PTPRT: variants seen among roughly 807,000 people sequenced by gnomAD.
The protein encoded by PTPRT is receptor-type tyrosine-protein phosphatase T.
A neutral mutation model predicts 176.8 loss-of-function variants in PTPRT; 56 were observed. The observed-to-expected ratio is 0.32, with a 90% CI of 0.26 to 0.40. The LOEUF is 0.40. Among genes scored for constraint, PTPRT ranks in the 10% least tolerant of loss-of-function variants. PTPRT has a pLI of 1.00. For synonymous variants in PTPRT, 783 were observed against 739.0 expected (o/e 1.06, Z -0.96); for missense variants, 1,540 against 1,908.2 (o/e 0.81, Z 3.60).
intron 1 of PTPRT, among the ~76,000 whole-genome samples, chr20:42,961,923 G>A (rs1324582520): frequency 6.6e-6 from 1 of 152,174 alleles, no homozygotes; most frequent in Admixed American, 6.5e-5. Context: ...AGCAGAGACT[G>A]GAATGACGCA....
intron 26 of PTPRT, among the ~76,000 whole-genome samples, chr20:42,101,412 T>C (rs1324164826): frequency 1.3e-5 from 2 of 152,082 alleles, no homozygotes; most frequent in South Asian, 4.1e-4. Flanking sequence ...CTGTACACCT[T>C]GGAGGGGAAG....
intron 13 of PTPRT, among the ~76,000 whole-genome samples, chr20:42,278,415 A>G (rs2057083848): frequency 6.6e-6 from 1 of 151,724 alleles, no homozygotes; most frequent in African/African-American, 2.4e-5. Context: ...CCAGAGTGTA[A>G]TAAGAGAATA....
intron 1 of PTPRT, among the ~76,000 whole-genome samples, chr20:43,086,112 G>A (rs1415420643): frequency 6.6e-6 from 1 of 152,098 alleles, no homozygotes; most frequent in African/African-American, 2.4e-5. Context: ...TCCCTTCCCT[G>A]CACCCATTTT....
intron 9 of PTPRT, among the ~76,000 whole-genome samples, chr20:42,427,840 C>A (rs2059179944): frequency 6.6e-6 from 1 of 152,136 alleles, no homozygotes; most frequent in South Asian, 2.1e-4. Flanking sequence ...TTTATAATCT[C>A]CCCCACCCTT....
At chr20:42,581,529 A>AAT (rs2073371383) in intron 7 of PTPRT, among the ~76,000 whole-genome samples, 1 of 86,972 alleles carries the variant, frequency 1.1e-5, no homozygotes, top group East Asian at 4.2e-4. Flanking sequence ...TGGTGGCTGC[A>AAT]TAAAAAAAAA....
intron 7 of PTPRT, among the ~76,000 whole-genome samples, chr20:42,551,573 T>C (rs1452972950): frequency 6.6e-6 from 1 of 152,202 alleles, no homozygotes; most frequent in Admixed American, 6.5e-5. Flanking sequence ...GCTTATCTGG[T>C]GTAATAAGCT....
Position 42,080,540 on chromosome 20 carries a change from T to C in PTPRT, c.*339A>G, listed in dbSNP as rs1983219684. On this transcript the variant is annotated 3_prime_UTR_variant, in exon 31 of 31. Transcript: ENST00000373187. ...CTCCCACTCCCCAGCACCTGCACAGTTGGCTTGCCAAGAGATCCACAAACT... is the reference window on the plus strand; with the variant it reads ...CTCCCACTCCCCAGCACCTGCACAGCTGGCTTGCCAAGAGATCCACAAACT... 3.3e-6 allele frequency: 1 copy of C among 305,824 alleles called. No individual in the cohort carries two copies. The highest frequency in any genetic ancestry group is 2.1e-5 in the African/African-American group (1 of 46,782). The allele number at this position is 305,824 out of a possible 1,614,324, so 18.9% of individuals were successfully genotyped here.
intron 1 of PTPRT, among the ~76,000 whole-genome samples, chr20:43,050,466 A>G (rs1265530053): frequency 6.6e-6 from 1 of 152,130 alleles, no homozygotes; most frequent in Non-Finnish European, 1.5e-5. Flanking sequence ...CAGGCCATCT[A>G]CCACCAGCTC....
chr20:42,842,167 T>C (rs1388679332), intron 2 of PTPRT, among the ~76,000 whole-genome samples: 2 of 152,208 alleles, frequency 1.3e-5, no homozygotes, highest in African/African-American at 2.4e-5. Flanking sequence ...CCTGGTTTCA[T>C]GGAATGCAGC....
chr20:42,215,870 G>T (rs1476963468), intron 15 of PTPRT, among the ~76,000 whole-genome samples: 2 of 152,144 alleles, frequency 1.3e-5, no homozygotes, highest in Non-Finnish European at 2.9e-5. Context: ...ACAGACTGCA[G>T]CTCCCTATAT....
intron 17 of PTPRT, among the ~76,000 whole-genome samples, chr20:42,158,860 C>G (rs1007386673): frequency 6.6e-6 from 1 of 152,144 alleles, no homozygotes; most frequent in Non-Finnish European, 1.5e-5. Context: ...GATGAAATAA[C>G]ATGTATTGTT....
intron 7 of PTPRT, among the ~76,000 whole-genome samples, chr20:42,533,331 G>A (rs577041487): frequency 6.6e-6 from 1 of 152,164 alleles, no homozygotes; most frequent in Non-Finnish European, 1.5e-5. Flanking sequence ...GTGTGCCGCC[G>A]GGTCTCAACT....
chr20:43,147,694 A>G (rs2014211601), intron 1 of PTPRT, among the ~76,000 whole-genome samples: 1 of 152,182 alleles, frequency 6.6e-6, no homozygotes, highest in Non-Finnish European at 1.5e-5. Context: ...GCTCTGCATC[A>G]TGTTTCTCTG....
chr20:42,920,717 C>T (rs984165254), intron 1 of PTPRT, among the ~76,000 whole-genome samples: 2 of 152,100 alleles, frequency 1.3e-5, no homozygotes, highest in Non-Finnish European at 2.9e-5. Flanking sequence ...CAAATTTCTC[C>T]TTTCACATTT....
chr20:42,832,839 C>CA (rs1487609873), intron 2 of PTPRT, among the ~76,000 whole-genome samples: 2 of 147,776 alleles, frequency 1.4e-5, no homozygotes, highest in Non-Finnish European at 3.0e-5. Flanking sequence ...CTTGGTGCCT[C>CA]ACACATGTAA....
chr20:43,035,965 C>T (rs559607720), intron 1 of PTPRT, among the ~76,000 whole-genome samples: 5 of 152,138 alleles, frequency 3.3e-5, no homozygotes, highest in Non-Finnish European at 7.4e-5. Context: ...ACACTGGATA[C>T]CATCCCTGGA....
At chr20:42,883,695 C>CCA (rs2079042338) in intron 2 of PTPRT, among the ~76,000 whole-genome samples, 6 of 144,560 alleles carry the variant, frequency 4.2e-5, no homozygotes, top group African/African-American at 1.0e-4. Flanking sequence ...ACACACACAC[C>CCA]TCCCATACAC....
intron 7 of PTPRT, among the ~76,000 whole-genome samples, chr20:42,528,746 T>C (rs1470415797): frequency 6.6e-6 from 1 of 152,218 alleles, no homozygotes; most frequent in Non-Finnish European, 1.5e-5. Context: ...TGTTACAGCT[T>C]AAATCCCTGA....
chr20:42,918,099 T>A (rs1006877468), intron 1 of PTPRT, among the ~76,000 whole-genome samples: 1 of 152,066 alleles, frequency 6.6e-6, no homozygotes, highest in East Asian at 1.9e-4. Context: ...CTTCTTTCAG[T>A]TCAGGGGCAG....
Sources: gnomAD v4.1 joint callset for allele counts (sites outside exome capture counted in the v4.1 genomes callset) on GRCh38, gnomAD v4.1.1 for gene constraint, MANE v1.5 for transcripts, NCBI Gene and HGNC (gene_info 2026-07-23, HGNC 2026-07-21) for gene names.